Variants in CHD9 observed in about 807,000 individuals in gnomAD.
CHD9 encodes chromodomain helicase DNA binding protein 9.
Under a neutral mutation model 316.1 loss-of-function variants are expected in CHD9, and 77 were observed. The ratio of observed to expected loss-of-function variants is 0.24; its 90% CI spans 0.20 to 0.29. The LOEUF is 0.29. Among genes scored for constraint, CHD9 ranks in the 10% least tolerant of loss-of-function variants. CHD9 has a pLI of 1.00. For synonymous variants in CHD9, 1,129 were observed against 1,158.3 expected, an observed-to-expected ratio of 0.97 and a Z score of 0.51; for missense variants, 2,763 against 3,438.1, an observed-to-expected ratio of 0.80 and a Z score of 4.91.
At chr16:53,161,404 A>ATAT (rs1347242684) in intron 2 of CHD9, among the ~76,000 whole-genome samples, 2 of 152,204 alleles carry the variant, frequency 1.3e-5, no homozygotes, top group Non-Finnish European at 2.9e-5. Flanking sequence ...CTGAAATGTT[A>ATAT]TATTAATAAG....
chr16:53,255,840 A>G, intron 19 of CHD9, 61 bp downstream of exon 19: 2 of 1,441,786 alleles, frequency 1.4e-6, no homozygotes, highest in Non-Finnish European at 1.9e-6. Flanking sequence ...CTACTGAGAA[A>G]GTTTAATTAT....
Position 53,157,074 on chromosome 16 carries a change from A to G in CHD9, c.985A>G (p.Asn329Asp), listed in dbSNP as rs2041570129. ...ATCTACTCAGCATATCCTAAACCCC[A>G]ATACATCATTGAATTCAAATAATTT... ...QESTQHILNP[N>D]TSLNSNNFQI... The change falls in exon 2 of 39, where the codon AAT becomes GAT. Residue 329 changes from asparagine (N) to aspartate (D), a missense_variant. Physicochemically the swap from Asn to Asp is conservative, Grantham distance 23. This residue lies in a region of CHD9 where 859 missense variants were observed against 890.4 expected (regional missense o/e 0.96). Coordinates refer to ENST00000447540, the MANE Select transcript of CHD9 (RefSeq NM_001308319.2). 2 of 1,613,136 alleles carry G rather than the reference A, an allele frequency of 1.2e-6. No homozygotes were observed. Among genetic ancestry groups the G allele is most frequent in the Non-Finnish European group, 8.5e-7 (1 of 1,179,576 alleles).
intron 1 of CHD9, among the ~76,000 whole-genome samples, chr16:53,103,663 C>G (rs554734803): frequency 2.0e-5 from 3 of 152,234 alleles, no homozygotes; most frequent in Non-Finnish European, 4.4e-5. Context: ...AAGTTCTTAT[C>G]TATCTCATCC....
chr16:53,083,594 C>T (rs1206971344), intron 1 of CHD9, among the ~76,000 whole-genome samples: 1 of 152,114 alleles, frequency 6.6e-6, no homozygotes, highest in Non-Finnish European at 1.5e-5. Flanking sequence ...TGTGGTTCTG[C>T]CCACTCTTTG....
chr16:53,067,158 G>T (rs951842532), intron 1 of CHD9, among the ~76,000 whole-genome samples: 15 of 152,132 alleles, frequency 9.9e-5, no homozygotes, highest in Admixed American at 9.8e-4. Flanking sequence ...ACCCAGGCTG[G>T]TCTTGAACTC....
intron 1 of CHD9, among the ~76,000 whole-genome samples, chr16:53,081,264 T>C (rs2034992771): frequency 6.6e-6 from 1 of 152,210 alleles, no homozygotes; most frequent in African/African-American, 2.4e-5. Context: ...ACAGAGTTTC[T>C]AGATGGGAGG....
chr16:53,183,848 T>G (rs1251503868), intron 2 of CHD9, among the ~76,000 whole-genome samples: 1 of 152,256 alleles, frequency 6.6e-6, no homozygotes, highest in Non-Finnish European at 1.5e-5. Context: ...GCATGTTTGT[T>G]AATCTTTCCA....
chr16:53,161,885 T>G (rs1185091397), intron 2 of CHD9, among the ~76,000 whole-genome samples: 5 of 152,112 alleles, frequency 3.3e-5, no homozygotes, highest in Admixed American at 1.3e-4. Flanking sequence ...CCAAGCAGCT[T>G]GGCACCACAG....
chr16:53,259,546 CTG>C (rs1435034902), intron 19 of CHD9, among the ~76,000 whole-genome samples: 1 of 152,106 alleles, frequency 6.6e-6, no homozygotes, highest in Non-Finnish European at 1.5e-5. Context: ...AGATCTCACT[CTG>C]TCACTCAAGC....
At chr16:53,071,980 C>T (rs1001288007) in intron 1 of CHD9, among the ~76,000 whole-genome samples, 1 of 152,160 alleles carries the variant, frequency 6.6e-6, no homozygotes. Context: ...GTTTATTGTG[C>T]ATCTTGTTTT....
At chr16:53,132,484 A>G (rs1004591572) in intron 1 of CHD9, among the ~76,000 whole-genome samples, 57 of 152,238 alleles carry the variant, frequency 3.7e-4, no homozygotes, top group African/African-American at 1.4e-3. Flanking sequence ...AGATAACTGT[A>G]GAAGTAGTTT....
intron 24 of CHD9, among the ~76,000 whole-genome samples, chr16:53,281,251 C>T (rs2053386002): frequency 1.3e-5 from 2 of 152,180 alleles, no homozygotes; most frequent in Admixed American, 6.5e-5. Flanking sequence ...CCTGGCTTTT[C>T]CAAATCTCCT....
intron 3 of CHD9, among the ~76,000 whole-genome samples, chr16:53,221,579 T>A (rs1239417249): frequency 6.6e-6 from 1 of 152,164 alleles, no homozygotes; most frequent in African/African-American, 2.4e-5. Context: ...TATGTTTTTA[T>A]ACCTCTCATC....
chr16:53,123,712 T>C (rs1597060489), intron 1 of CHD9, among the ~76,000 whole-genome samples: 1 of 151,784 alleles, frequency 6.6e-6, no homozygotes, highest in Non-Finnish European at 1.5e-5. Context: ...ATGTTGTCCA[T>C]GCTGGTCTCG....
At chr16:53,150,473 C>T (rs73599567) in intron 1 of CHD9, among the ~76,000 whole-genome samples, 4,927 of 152,176 alleles carry the variant, frequency 0.032, 100 homozygotes, top group Middle Eastern at 0.071. Context: ...AATGGGTTAT[C>T]TATTTGCCTT....
At chr16:53,222,526 T>C (rs2047333348) in intron 3 of CHD9, 118 bp from the exon 4 acceptor site, 1 of 602,144 alleles carries the variant, frequency 1.7e-6, no homozygotes, top group African/African-American at 1.9e-5. Context: ...ATTATCATCC[T>C]TGGTTGGACA....
Position 53,326,150 on chromosome 16 carries a change from A to G in CHD9, c.*1255A>G, listed in dbSNP as rs140229567. ...CTTTACCATGTAAAATTTGTCTGAT[A>G]TTTGATTTGTGATACAATTTCTCCT... On this transcript the variant is annotated 3_prime_UTR_variant, in exon 39 of 39. Coordinates refer to ENST00000447540, the MANE Select transcript of CHD9 (RefSeq NM_001308319.2). 10 of 152,608 alleles carry G rather than the reference A, an allele frequency of 6.6e-5. No individual in the cohort carries two copies. In the East Asian group the frequency reaches 1.7e-3, roughly 26 times the overall value. 9.5% of individuals were successfully genotyped at this position (152,608 alleles called of 1,614,324 possible).
intron 1 of CHD9, among the ~76,000 whole-genome samples, chr16:53,131,491 C>T (rs1331135641): frequency 6.7e-6 from 1 of 148,702 alleles, no homozygotes; most frequent in Admixed American, 6.7e-5. Flanking sequence ...GCCCGCGGCC[C>T]GCCCCGCGCC....
chr16:53,317,163 C>CAAAAAAAAAAAAAAA (rs537619212), intron 36 of CHD9, among the ~76,000 whole-genome samples: 1 of 81,764 alleles, frequency 1.2e-5, no homozygotes, highest in African/African-American at 4.8e-5. Context: ...AACTCCATCT[C>CAAAAAAAAAAAAAAA]AAAAAAAAAA....
Sources: allele counts gnomAD v4.1 joint callset (sites outside exome capture counted in the v4.1 genomes callset), GRCh38; gene constraint gnomAD v4.1.1; regional missense constraint gnomAD v4.1.1; transcripts MANE v1.5; gene names NCBI Gene and HGNC (gene_info 2026-07-23, HGNC 2026-07-21).